NRG1: variants seen among roughly 807,000 people sequenced by gnomAD.
The protein encoded by NRG1 is neuregulin 1, also known as pro-neuregulin-1, membrane-bound isoform.
A neutral mutation model predicts 63.8 loss-of-function variants in NRG1; 18 were observed. The ratio of observed to expected loss-of-function variants is 0.28; its 90% CI spans 0.19 to 0.42. The LOEUF is 0.42. Among genes scored for constraint, NRG1 ranks in the 10% least tolerant of loss-of-function variants. The pLI, the probability that NRG1 is intolerant of heterozygous loss-of-function variation, is 1.00. For synonymous variants in NRG1, 302 were observed against 301.3 expected, an observed-to-expected ratio of 1.00 and a Z score of -0.02; for missense variants, 762 against 814.7, an observed-to-expected ratio of 0.94 and a Z score of 0.79.
At chr8:31,760,720 A>G (rs1817452378) in intron 1 of NRG1, among the ~76,000 whole-genome samples, 1 of 152,228 alleles carries the variant, frequency 6.6e-6, no homozygotes, top group Non-Finnish European at 1.5e-5. Context: ...ATCACTGGCC[A>G]TCAGAGAAAT....
intron 1 of NRG1, among the ~76,000 whole-genome samples, chr8:31,796,967 A>G (rs1214325700): frequency 6.6e-6 from 1 of 151,800 alleles, no homozygotes. Flanking sequence ...GTATAGGCAA[A>G]CTCTCCATTT....
intron 1 of NRG1, among the ~76,000 whole-genome samples, chr8:31,796,511 C>A (rs1193776908): frequency 7.0e-6 from 1 of 141,934 alleles, no homozygotes; most frequent in Non-Finnish European, 1.5e-5. Context: ...CAGCTCACTG[C>A]AAGCTCCGCC....
chr8:32,243,285 A>G (rs982853109), intron 1 of NRG1, among the ~76,000 whole-genome samples: 1 of 151,994 alleles, frequency 6.6e-6, no homozygotes, highest in East Asian at 1.9e-4. Flanking sequence ...TTAGCTAGGT[A>G]TGGTGGTGCA....
chr8:32,558,823 G>A (rs575733291), intron 1 of NRG1, among the ~76,000 whole-genome samples: 55 of 152,168 alleles, frequency 3.6e-4, no homozygotes, highest in Non-Finnish European at 6.6e-4. Context: ...GCTCATGCCT[G>A]TAATCCCAAC....
At chr8:32,172,869 G>A (rs1319330970) in intron 1 of NRG1, among the ~76,000 whole-genome samples, 1 of 152,212 alleles carries the variant, frequency 6.6e-6, no homozygotes, top group African/African-American at 2.4e-5. Flanking sequence ...TCTGATTGGT[G>A]TAACTGAAAG....
chr8:31,917,217 C>T (rs558550519), intron 1 of NRG1, among the ~76,000 whole-genome samples: 3 of 111,382 alleles, frequency 2.7e-5, no homozygotes, highest in Non-Finnish European at 3.7e-5. Flanking sequence ...TAATTAGATC[C>T]CATTTGTCAA....
intron 1 of NRG1, 126 bp from the exon 2 acceptor site, chr8:32,595,701 TG>T: frequency 1.3e-6 from 1 of 762,106 alleles, no homozygotes; most frequent in Admixed American, 3.1e-5. Flanking sequence ...ATTTTGAAAT[TG>T]TTTTTCTCTC....
intron 1 of NRG1, among the ~76,000 whole-genome samples, chr8:31,928,920 A>G (rs1834642189): frequency 6.6e-6 from 1 of 152,142 alleles, no homozygotes; most frequent in Admixed American, 6.5e-5. Context: ...ATTGGGTACA[A>G]TGTACACTAC....
At chr8:31,811,900 A>G (rs1477560575) in intron 1 of NRG1, among the ~76,000 whole-genome samples, 2 of 152,140 alleles carry the variant, frequency 1.3e-5, no homozygotes. Flanking sequence ...ATATTGAATT[A>G]AGCACCTCAA....
chr8:32,032,642 G>A (rs1490615917), intron 1 of NRG1, among the ~76,000 whole-genome samples: 1 of 152,152 alleles, frequency 6.6e-6, no homozygotes, highest in East Asian at 1.9e-4. Context: ...TCTTGTGAAT[G>A]TGTTTAAGTT....
At chr8:32,438,904 G>A (rs971324562) in intron 1 of NRG1, among the ~76,000 whole-genome samples, 5 of 151,974 alleles carry the variant, frequency 3.3e-5, no homozygotes, top group African/African-American at 1.2e-4. Context: ...TGAGTTTTAA[G>A]AGTTCTGTAT....
At chr8:32,049,376 A>G (rs1414548122) in intron 1 of NRG1, among the ~76,000 whole-genome samples, 1 of 152,132 alleles carries the variant, frequency 6.6e-6, no homozygotes, top group African/African-American at 2.4e-5. Flanking sequence ...CTGCCCTTTC[A>G]GTGAGAATTG....
intron 1 of NRG1, among the ~76,000 whole-genome samples, chr8:31,902,134 A>T (rs761603888): frequency 3.1e-4 from 47 of 152,330 alleles, no homozygotes; most frequent in Non-Finnish European, 6.0e-4. Flanking sequence ...CACCACTACT[A>T]GGATGGTAAG....
intron 1 of NRG1, among the ~76,000 whole-genome samples, chr8:32,245,767 A>G (rs963686821): frequency 2.6e-5 from 4 of 152,256 alleles, no homozygotes; most frequent in African/African-American, 9.6e-5. Flanking sequence ...GGTTTCTTAT[A>G]TTTGCTTTGC....
At chr8:31,863,430 T>A (rs1274045922) in intron 1 of NRG1, among the ~76,000 whole-genome samples, 1 of 152,142 alleles carries the variant, frequency 6.6e-6, no homozygotes, top group Non-Finnish European at 1.5e-5. Context: ...AAGATATGTG[T>A]CTAAGAGGCT....
At chr8:32,242,439 A>G (rs1001555263) in intron 1 of NRG1, among the ~76,000 whole-genome samples, 2 of 152,158 alleles carry the variant, frequency 1.3e-5, no homozygotes, top group Admixed American at 1.3e-4. Context: ...GTGCAATTGC[A>G]CTCCAGACTT....
At chr8:32,159,134 A>G (rs1838514969) in intron 1 of NRG1, among the ~76,000 whole-genome samples, 2 of 152,268 alleles carry the variant, frequency 1.3e-5, no homozygotes, top group Middle Eastern at 3.2e-3. Flanking sequence ...TCCACTAGTC[A>G]GCATTATTAC....
intron 9 of NRG1, 60 bp from the exon 10 acceptor site, chr8:32,759,246 A>T (rs1830243139): frequency 3.8e-6 from 6 of 1,559,544 alleles, no homozygotes; most frequent in Non-Finnish European, 5.2e-6. Context: ...TGACAATATT[A>T]GTGCTTTGAT....
In NRG1 at chr8:31,821,427, A is replaced by G. The variant is rs189523756; in HGVS notation, c.37+181996A>G. Among the ~76,000 whole-genome samples the G allele has an allele frequency of 2.5e-3, 387 of 152,312 alleles. 3 individuals carry two copies. Among genetic ancestry groups the G allele is most frequent in the Admixed American group, 4.6e-3 (70 of 15,296 alleles). ...TTTCCCATCCTTTTATGGAACTACA[A>G]GCGTCATGGCTATTAGCAATCCCAG... On this transcript the variant is annotated intron_variant, in intron 1 of 10. Transcript: ENST00000519301.
Sources: allele counts gnomAD v4.1 joint callset (sites outside exome capture counted in the v4.1 genomes callset), GRCh38; gene constraint gnomAD v4.1.1; transcripts MANE v1.5; gene names NCBI Gene and HGNC (gene_info 2026-07-23, HGNC 2026-07-21).